Variants in FOXK2 observed in about 807,000 individuals in gnomAD.
FOXK2 encodes forkhead box K2.
Under a neutral mutation model 53.3 loss-of-function variants are expected in FOXK2, and 24 were observed. The observed-to-expected ratio is 0.45, with a 90% CI of 0.33 to 0.63. FOXK2 has a LOEUF of 0.63. Ranked by LOEUF, FOXK2 falls within the 30% of genes least tolerant of loss-of-function variation. The pLI is 0.03. For synonymous variants in FOXK2, 505 were observed against 407.1 expected (o/e 1.24, Z -2.89); for missense variants, 952 against 910.5 (o/e 1.05, Z -0.59).
Position 82,587,559 on chromosome 17 carries a change from G to A in FOXK2, c.1786+287G>A, listed in dbSNP as rs140319020. On this transcript the variant is annotated intron_variant, in intron 8 of 8. Coordinates refer to ENST00000335255, the MANE Select transcript of FOXK2 (RefSeq NM_004514.4). ...GATTTCCTGGGTGTGGCCTGGAAGC[G>A]GCCTGAAACGGCGGGAGCCGCCGCG... is the stretch of plus-strand genomic sequence containing the variant. The A allele has an allele frequency of 1.5e-3, 689 of 445,848 alleles. 4 individuals carry two copies. Among genetic ancestry groups the A allele is most frequent in the African/African-American group, 0.012 (611 of 50,266 alleles). The allele number at this position is 445,848 out of a possible 1,614,324, so 27.6% of individuals were successfully genotyped here. A position where few individuals can be genotyped will look rare whatever the true frequency, so the allele number is the denominator to read the frequency against.
intron 6 of FOXK2, chr17:82,585,191 G>T (rs1375236056): frequency 6.6e-6 from 1 of 152,344 alleles, no homozygotes; most frequent in East Asian, 1.9e-4. Flanking sequence ...CTGGGTGCCA[G>T]AGGCTCTGTG....
intron 8 of FOXK2, chr17:82,596,332 C>T (rs763603021): frequency 2.0e-5 from 11 of 537,814 alleles, no homozygotes; most frequent in East Asian, 1.5e-4. Context: ...CCCTTCTCAT[C>T]GTTCCTGCTG....
intron 8 of FOXK2, among the ~76,000 whole-genome samples, chr17:82,598,650 G>A (rs901838890): frequency 6.6e-6 from 1 of 152,238 alleles, no homozygotes; most frequent in Non-Finnish European, 1.5e-5. Flanking sequence ...CCTGTCCCTT[G>A]GTGACAGCAT....
intron 1 of FOXK2, among the ~76,000 whole-genome samples, chr17:82,561,557 GC>G (rs2044793608): frequency 6.6e-6 from 1 of 152,130 alleles, no homozygotes; most frequent in Non-Finnish European, 1.5e-5. Context: ...CCAGGAGGTG[GC>G]CACTCTGTGA....
Position 82,519,767 on chromosome 17 carries a change from G to T in FOXK2, c.-122G>T, listed in dbSNP as rs1049313457. ...GCCGCTCGCTCGCTCGCCGGCCGGC[G>T]GCCTCCGCTCGGCCCCCTCCCTCAG... On this transcript the variant is annotated 5_prime_UTR_variant, in exon 1 of 9. Coordinates refer to ENST00000335255, the MANE Select transcript of FOXK2 (RefSeq NM_004514.4). 2 of 239,332 alleles carry T rather than the reference G, an allele frequency of 8.4e-6. No homozygotes were observed. The highest frequency in any genetic ancestry group is 3.0e-4 in the South Asian group (2 of 6,658). 14.8% of individuals were successfully genotyped at this position (239,332 alleles called of 1,614,324 possible). A position where few individuals can be genotyped will look rare whatever the true frequency, so the allele number is the denominator to read the frequency against.
At chr17:82,547,447 T>C (rs1243442287) in intron 1 of FOXK2, among the ~76,000 whole-genome samples, 1 of 151,890 alleles carries the variant, frequency 6.6e-6, no homozygotes, top group African/African-American at 2.4e-5. Flanking sequence ...CTGGGCTGCA[T>C]GCAGCCCACG....
At chr17:82,521,543 T>TG (rs893705151) in intron 1 of FOXK2, among the ~76,000 whole-genome samples, 94 of 152,062 alleles carry the variant, frequency 6.2e-4, no homozygotes, top group African/African-American at 2.1e-3. Flanking sequence ...CTTCTTGACT[T>TG]GCGTGTTGTG....
intron 6 of FOXK2, among the ~76,000 whole-genome samples, chr17:82,584,738 G>C (rs1567983686): frequency 6.6e-6 from 1 of 151,998 alleles, no homozygotes; most frequent in Non-Finnish European, 1.5e-5. Context: ...TAGAGACAGG[G>C]TTTCACCATG....
At position 82,566,243 on chromosome 17, in the gene FOXK2, CA is replaced by C. The variant is rs144483444; in HGVS notation, c.615-1800del. 5.6e-3 allele frequency among the ~76,000 whole-genome samples: 794 copies of C among 142,950 alleles called. 8 individuals are homozygous for C. Among genetic ancestry groups the C allele is most frequent in the African/African-American group, 0.018 (714 of 38,996 alleles). 93.8% of individuals were successfully genotyped at this position (142,950 alleles called of 152,430 possible). A position where few individuals can be genotyped will look rare whatever the true frequency, so the allele number is the denominator to read the frequency against. ...ATTTTATGTTGTGTGTATTTTACCACAAAAAAAAAAATAGGCCCCCTGGAAA... is the reference window on the plus strand; with the variant it reads ...ATTTTATGTTGTGTGTATTTTACCACAAAAAAAAAATAGGCCCCCTGGAAA... On this transcript the variant is annotated intron_variant, in intron 2 of 8. Transcript: ENST00000335255.
chr17:82,527,215 T>C (rs1481896886), intron 1 of FOXK2, among the ~76,000 whole-genome samples: 1 of 152,066 alleles, frequency 6.6e-6, no homozygotes, highest in Non-Finnish European at 1.5e-5. Context: ...AACTACTCTG[T>C]ATTTAAGCTC....
rs1006506283 is a variant in FOXK2 at position 82,602,990 on chromosome 17, A to G, written c.*1491A>G. On this transcript the variant is annotated 3_prime_UTR_variant, in exon 9 of 9. Transcript: ENST00000335255. The stretch of plus-strand genomic sequence containing the variant: ...TAGGGATGAAATGGCTCAGAATGGT[A>G]TATTTAGGCAATTTTAAAACATTTA... 1.3e-5 allele frequency: 2 copies of G among 152,618 alleles called. No individual in the cohort carries two copies. Among genetic ancestry groups the G allele is most frequent in the African/African-American group, 2.4e-5 (1 of 41,444 alleles). 9.5% of individuals were successfully genotyped at this position (152,618 alleles called of 1,614,324 possible).
intron 3 of FOXK2, among the ~76,000 whole-genome samples, chr17:82,569,450 A>C (rs1045738554): frequency 4.1e-4 from 62 of 152,316 alleles, no homozygotes; most frequent in African/African-American, 1.4e-3. Context: ...AGTCAGTAGT[A>C]ATGGTGGCCT....
intron 8 of FOXK2, among the ~76,000 whole-genome samples, chr17:82,595,559 TCC>T (rs2045301237): frequency 6.6e-6 from 1 of 152,148 alleles, no homozygotes; most frequent in Non-Finnish European, 1.5e-5. Context: ...CGCCTCTGCC[TCC>T]CCAAATGCTG....
intron 4 of FOXK2, 21 bp from the exon 5 acceptor site, chr17:82,582,720 G>A (rs539828089): frequency 3.3e-5 from 50 of 1,535,224 alleles, no homozygotes; most frequent in Admixed American, 4.3e-5. Context: ...TGAATTCTAC[G>A]TATTTTTTTA....
At chr17:82,591,695 A>G (rs1338224063) in intron 8 of FOXK2, among the ~76,000 whole-genome samples, 2 of 152,142 alleles carry the variant, frequency 1.3e-5, no homozygotes, top group Non-Finnish European at 1.5e-5. Flanking sequence ...AAGCTCTTGC[A>G]TATTCACTTC....
rs966165630 is a variant in FOXK2, at chr17:82,519,788, C to G, written c.-101C>G. 247 of 356,944 alleles carry G rather than the reference C, an allele frequency of 6.9e-4. No homozygotes were observed. The highest frequency in any genetic ancestry group is 8.6e-4 in the Non-Finnish European group (224 of 258,974). 22.1% of individuals were successfully genotyped at this position (356,944 alleles called of 1,614,324 possible). ...CGGCGGCCTCCGCTCGGCCCCCTCCCTCAGCTCCGGTGCGCGGCGGCCGAC... is the reference window on the plus strand; with the variant it reads ...CGGCGGCCTCCGCTCGGCCCCCTCCGTCAGCTCCGGTGCGCGGCGGCCGAC... On this transcript the variant is annotated 5_prime_UTR_variant, in exon 1 of 9. Transcript: ENST00000335255.
intron 2 of FOXK2, 23 bp from the exon 3 acceptor site, chr17:82,568,031 G>A: frequency 6.3e-7 from 1 of 1,582,050 alleles, no homozygotes; most frequent in Non-Finnish European, 8.5e-7. Context: ...AGACTAATAG[G>A]AACAACTTTT....
chr17:82,587,187 A>G lies in FOXK2; in HGVS notation c.1701A>G (p.Gln567=). ...TAGTACAACAGGCACCTCTAGGTCA[A>G]CACCAGCTACCAATAAAAACTGTAA... ...VTIVQQAPLG[Q]HQLPIKTVTQ... Residue 567 remains glutamine (Q), a synonymous_variant, in exon 8 of 9, where the codon CAA becomes CAG. Transcript: ENST00000335255. 1 of 1,613,128 alleles carries G rather than the reference A, an allele frequency of 6.2e-7. No homozygotes were observed. The highest frequency in any genetic ancestry group is 8.5e-7 in the Non-Finnish European group (1 of 1,180,030).
At chr17:82,567,631 C>T (rs527243806) in intron 2 of FOXK2, among the ~76,000 whole-genome samples, 11 of 152,312 alleles carry the variant, frequency 7.2e-5, no homozygotes, top group African/African-American at 2.4e-4. Context: ...CCCCCACCAC[C>T]CCGACTTTCC....
Sources: gnomAD v4.1 joint callset for allele counts (sites outside exome capture counted in the v4.1 genomes callset) on GRCh38, gnomAD v4.1.1 for gene constraint, MANE v1.5 for transcripts, NCBI Gene and HGNC (gene_info 2026-07-23, HGNC 2026-07-21) for gene names.